PALS2: variants seen among roughly 807,000 people sequenced by gnomAD.
PALS2 encodes the protein protein associated with LIN7 2, MAGUK p55 family member.
PALS2 carries 27 observed loss-of-function variants against 61.6 expected under a neutral mutation model. That is an observed-to-expected ratio of 0.44 (90% CI 0.32 to 0.60). The LOEUF (loss-of-function observed/expected upper bound fraction) is 0.60. Ranked by LOEUF, PALS2 falls within the 20% of genes least tolerant of loss-of-function variation. The pLI, the probability that PALS2 is intolerant of heterozygous loss-of-function variation, is 0.05. For synonymous variants in PALS2, 236 were observed against 218.6 expected, an observed-to-expected ratio of 1.08 and a Z score of -0.70; for missense variants, 554 against 639.4, an observed-to-expected ratio of 0.87 and a Z score of 1.44.
chr7:24,599,026 G>T (rs1783621387), intron 1 of PALS2, among the ~76,000 whole-genome samples: 1 of 152,084 alleles, frequency 6.6e-6, no homozygotes, highest in Non-Finnish European at 1.5e-5. Context: ...AATGAGGCAG[G>T]AATAAAATAC....
Position 24,688,966 on chromosome 7 carries a change from A to G in PALS2, c.*1352A>G, listed in dbSNP as rs1788343479. 2 of 151,994 alleles carry G rather than the reference A, an allele frequency of 1.3e-5. No individual in the cohort carries two copies. Among genetic ancestry groups the G allele is most frequent in the Non-Finnish European group, 1.5e-5 (1 of 67,998 alleles). The allele number at this position is 151,994 out of a possible 1,614,324, so 9.4% of individuals were successfully genotyped here. ...GTAATTGAGATTACAGTTGGGTGCCACCATGTCCGGCTAATTTTTGTATTT... is the reference window on the plus strand; with the variant it reads ...GTAATTGAGATTACAGTTGGGTGCCGCCATGTCCGGCTAATTTTTGTATTT... On this transcript the variant is annotated 3_prime_UTR_variant, in exon 12 of 12. Coordinates refer to ENST00000222644, the MANE Select transcript of PALS2 (RefSeq NM_001303037.2).
At position 24,689,165 on chromosome 7, in the gene PALS2, G is replaced by C. The variant is rs1470745237; in HGVS notation, c.*1551G>C. On this transcript the variant is annotated 3_prime_UTR_variant, in exon 12 of 12. Transcript: ENST00000222644. Reference sequence around the variant, plus strand: ...TACCGAAAGAAGTTCTCCTTTAGAAGCATTGACTTATACAAATTCCCACAT... The same window carrying C: ...TACCGAAAGAAGTTCTCCTTTAGAACCATTGACTTATACAAATTCCCACAT... The C allele has an allele frequency of 6.6e-6, 1 of 152,158 alleles. No homozygotes were observed. Among genetic ancestry groups the C allele is most frequent in the Non-Finnish European group, 1.5e-5 (1 of 68,028 alleles). 9.4% of individuals were successfully genotyped at this position (152,158 alleles called of 1,614,324 possible).
chr7:24,611,421 A>G (rs7796432), intron 1 of PALS2, among the ~76,000 whole-genome samples: 9,577 of 152,086 alleles, frequency 0.063, 346 homozygotes, highest in African/African-American at 0.093. Flanking sequence ...TATAAATAGT[A>G]ATATGTACAT....
At chr7:24,651,489 A>G (rs977072968) in intron 5 of PALS2, among the ~76,000 whole-genome samples, 4 of 152,228 alleles carry the variant, frequency 2.6e-5, no homozygotes, top group African/African-American at 9.6e-5. Flanking sequence ...TATGAGGATT[A>G]AACGAGTTAA....
chr7:24,624,845 T>C (rs1784673341), intron 2 of PALS2, among the ~76,000 whole-genome samples: 1 of 152,060 alleles, frequency 6.6e-6, no homozygotes, highest in South Asian at 2.1e-4. Context: ...TGACCTCACA[T>C]GATCCACCCA....
At chr7:24,632,425 G>A (rs1393698663) in intron 2 of PALS2, among the ~76,000 whole-genome samples, 2 of 151,922 alleles carry the variant, frequency 1.3e-5, no homozygotes, top group Admixed American at 6.5e-5. Context: ...TTTTTAGACG[G>A]AGTCTTGCTC....
rs1788343338 is a variant in PALS2, at chr7:24,688,963, G to C, written c.*1349G>C. On this transcript the variant is annotated 3_prime_UTR_variant, in exon 12 of 12. Coordinates refer to ENST00000222644, the MANE Select transcript of PALS2 (RefSeq NM_001303037.2). Reference sequence around the variant, plus strand: ...CAAGTAATTGAGATTACAGTTGGGTGCCACCATGTCCGGCTAATTTTTGTA... The same window carrying C: ...CAAGTAATTGAGATTACAGTTGGGTCCCACCATGTCCGGCTAATTTTTGTA... 1.3e-5 allele frequency: 2 copies of C among 152,094 alleles called. No individual in the cohort carries two copies. Among genetic ancestry groups the C allele is most frequent in the East Asian group, 1.9e-4 (1 of 5,160 alleles). The allele number at this position is 152,094 out of a possible 1,614,324, so 9.4% of individuals were successfully genotyped here.
chr7:24,678,518 A>G (rs979707122), intron 9 of PALS2, among the ~76,000 whole-genome samples: 1 of 152,224 alleles, frequency 6.6e-6, no homozygotes, highest in South Asian at 2.1e-4. Flanking sequence ...ATTTGTGGGT[A>G]AAACTGCACT....
chr7:24,588,920 A>G (rs1022732118), intron 1 of PALS2, among the ~76,000 whole-genome samples: 1 of 152,186 alleles, frequency 6.6e-6, no homozygotes, highest in Non-Finnish European at 1.5e-5. Flanking sequence ...TCCCACCTCC[A>G]TTTGATGTTG....
At chr7:24,652,101 A>G (rs780464059) in intron 5 of PALS2, among the ~76,000 whole-genome samples, 11 of 152,180 alleles carry the variant, frequency 7.2e-5, no homozygotes, top group Admixed American at 1.3e-4. Flanking sequence ...TCAGTTGGCA[A>G]CTTTCAATTT....
chr7:24,667,077 A>G (rs545283692), intron 8 of PALS2: 1 of 152,282 alleles, frequency 6.6e-6, no homozygotes, highest in Admixed American at 6.5e-5. Context: ...ACTGTGGGGA[A>G]ATTGTGCAAA....
At chr7:24,656,418 A>C (rs1262608110) in intron 5 of PALS2, among the ~76,000 whole-genome samples, 1 of 152,250 alleles carries the variant, frequency 6.6e-6, no homozygotes, top group African/African-American at 2.4e-5. Flanking sequence ...GTTTATATAA[A>C]TAACATAAAG....
intron 1 of PALS2, among the ~76,000 whole-genome samples, chr7:24,595,203 G>A (rs1783453845): frequency 6.6e-6 from 1 of 151,438 alleles, no homozygotes; most frequent in Admixed American, 6.6e-5. Context: ...GAATAAAGGA[G>A]ATCAAACAGC....
At chr7:24,580,549 G>GC (rs1227581951) in intron 1 of PALS2, among the ~76,000 whole-genome samples, 1 of 152,090 alleles carries the variant, frequency 6.6e-6, no homozygotes, top group Non-Finnish European at 1.5e-5. Flanking sequence ...TCCCTCCTCT[G>GC]CCTTCTTGTT....
chr7:24,659,303 T>G (rs1786594066), intron 5 of PALS2, among the ~76,000 whole-genome samples: 1 of 152,240 alleles, frequency 6.6e-6, no homozygotes, highest in Non-Finnish European at 1.5e-5. Context: ...AGTGCTATGA[T>G]GAACATATGT....
At chr7:24,654,918 A>G (rs1342188070) in intron 5 of PALS2, among the ~76,000 whole-genome samples, 1 of 152,210 alleles carries the variant, frequency 6.6e-6, no homozygotes, top group African/African-American at 2.4e-5. Context: ...ATGTTTTTCA[A>G]TGTGGAAAGG....
intron 3 of PALS2, among the ~76,000 whole-genome samples, chr7:24,643,698 A>G (rs955116749): frequency 6.6e-6 from 1 of 152,156 alleles, no homozygotes; most frequent in Non-Finnish European, 1.5e-5. Flanking sequence ...CCTATTGAAA[A>G]GACCAGGCTA....
At chr7:24,642,197 C>G (rs915357837) in intron 3 of PALS2, among the ~76,000 whole-genome samples, 2 of 152,098 alleles carry the variant, frequency 1.3e-5, no homozygotes, top group African/African-American at 4.8e-5. Context: ...TTTTTTCTTC[C>G]TCATTCCCAT....
At chr7:24,599,618 T>C (rs1242284090) in intron 1 of PALS2, among the ~76,000 whole-genome samples, 2 of 150,180 alleles carry the variant, frequency 1.3e-5, no homozygotes, top group Non-Finnish European at 3.0e-5. Context: ...GATTTTCCCG[T>C]CCCAGCCTCC....
Sources: allele counts gnomAD v4.1 joint callset (sites outside exome capture counted in the v4.1 genomes callset), GRCh38; gene constraint gnomAD v4.1.1; transcripts MANE v1.5; gene names NCBI Gene and HGNC (gene_info 2026-07-23, HGNC 2026-07-21).